Variants in SH3RF3 observed in about 807,000 individuals in gnomAD.
SH3RF3 encodes E3 ubiquitin-protein ligase SH3RF3.
SH3RF3 carries 29 observed loss-of-function variants against 66.3 expected under a neutral mutation model. That is an observed-to-expected ratio of 0.44 (90% confidence interval 0.33 to 0.60). SH3RF3 has a LOEUF of 0.60. SH3RF3 is among the 20% of genes least tolerant of loss of function. SH3RF3 has a pLI of 0.04. For synonymous variants in SH3RF3, 583 were observed against 532.0 expected (o/e 1.10, Z -1.32); for missense variants, 1,194 against 1,190.9 (o/e 1.00, Z -0.04).
chr2:109,413,645 C>T (rs1346795960), intron 4 of SH3RF3, among the ~76,000 whole-genome samples: 1 of 152,232 alleles, frequency 6.6e-6, no homozygotes, highest in Admixed American at 6.5e-5. Flanking sequence ...CTCTGGCCCC[C>T]ACATTCCCCT....
At chr2:109,290,576 A>G (rs1421668563) in intron 1 of SH3RF3, among the ~76,000 whole-genome samples, 2 of 152,188 alleles carry the variant, frequency 1.3e-5, no homozygotes, top group Non-Finnish European at 2.9e-5. Context: ...CCCAATGCCT[A>G]TCATTTTCTA....
intron 1 of SH3RF3, among the ~76,000 whole-genome samples, chr2:109,192,137 A>G (rs1678382529): frequency 6.6e-6 from 1 of 152,110 alleles, no homozygotes. Flanking sequence ...CACGGTACCC[A>G]ATATTGGTTC....
chr2:109,285,571 G>A (rs1342243495), intron 1 of SH3RF3, among the ~76,000 whole-genome samples: 1 of 152,232 alleles, frequency 6.6e-6, no homozygotes, highest in African/African-American at 2.4e-5. Context: ...CTGAGGTGGT[G>A]CGTCATGTTC....
chr2:109,207,752 A>G (rs1678874283), intron 1 of SH3RF3, among the ~76,000 whole-genome samples: 1 of 151,878 alleles, frequency 6.6e-6, no homozygotes, highest in South Asian at 2.1e-4. Flanking sequence ...TATGTTGTAA[A>G]TTGCTAAAAT....
intron 8 of SH3RF3, among the ~76,000 whole-genome samples, chr2:109,453,578 G>T (rs574580074): frequency 6.6e-6 from 1 of 152,112 alleles, no homozygotes; most frequent in Admixed American, 6.5e-5. Context: ...CCACCCGACC[G>T]GCCATCACTC....
intron 5 of SH3RF3, among the ~76,000 whole-genome samples, chr2:109,425,728 G>GCT (rs141948568): frequency 0.016 from 2,367 of 152,112 alleles, 60 homozygotes; most frequent in African/African-American, 0.055. Flanking sequence ...AAATATTACT[G>GCT]CTCATTGCCA....
intron 1 of SH3RF3, among the ~76,000 whole-genome samples, chr2:109,282,200 G>A (rs1363967195): frequency 6.6e-6 from 1 of 152,140 alleles, no homozygotes; most frequent in Non-Finnish European, 1.5e-5. Context: ...TGCCATGAGT[G>A]TTTATTGGGG....
chr2:109,281,562 G>A (rs1183633303), intron 1 of SH3RF3, among the ~76,000 whole-genome samples: 1 of 152,200 alleles, frequency 6.6e-6, no homozygotes, highest in Non-Finnish European at 1.5e-5. Context: ...GATTCACTGT[G>A]GGAGAGTTAA....
intron 2 of SH3RF3, among the ~76,000 whole-genome samples, chr2:109,370,539 A>C (rs1381354449): frequency 6.6e-6 from 1 of 152,010 alleles, no homozygotes; most frequent in Non-Finnish European, 1.5e-5. Context: ...GCGCCCGGCC[A>C]TCTGTCTCTC....
At chr2:109,365,818 G>A (rs1267293913) in intron 2 of SH3RF3, among the ~76,000 whole-genome samples, 1 of 152,124 alleles carries the variant, frequency 6.6e-6, no homozygotes, top group East Asian at 1.9e-4. Flanking sequence ...CTATGATCCT[G>A]CCATCGCAGG....
intron 2 of SH3RF3, among the ~76,000 whole-genome samples, chr2:109,359,752 A>G (rs1228735644): frequency 6.6e-6 from 1 of 152,134 alleles, no homozygotes; most frequent in Non-Finnish European, 1.5e-5. Context: ...AAGGCACACA[A>G]CACACAGTTT....
intron 1 of SH3RF3, among the ~76,000 whole-genome samples, chr2:109,219,183 G>A (rs760005313): frequency 6.6e-6 from 1 of 152,226 alleles, no homozygotes; most frequent in Non-Finnish European, 1.5e-5. Flanking sequence ...ACCGCCTGGA[G>A]CATGGGAGGA....
intron 1 of SH3RF3, among the ~76,000 whole-genome samples, chr2:109,245,555 A>G (rs148302896): frequency 1.3e-5 from 2 of 152,188 alleles, no homozygotes; most frequent in African/African-American, 4.8e-5. Context: ...GACAAACTGC[A>G]CCTCTAGCCT....
intron 1 of SH3RF3, among the ~76,000 whole-genome samples, chr2:109,285,138 T>A (rs1481748137): frequency 6.6e-6 from 1 of 152,076 alleles, no homozygotes; most frequent in Non-Finnish European, 1.5e-5. Flanking sequence ...GGAGTAGGGG[T>A]GACAGTGAGG....
intron 1 of SH3RF3, among the ~76,000 whole-genome samples, chr2:109,211,855 C>A (rs1678989701): frequency 6.6e-6 from 1 of 152,126 alleles, no homozygotes; most frequent in Non-Finnish European, 1.5e-5. Context: ...GTTGGCCAGG[C>A]TGGTTTCAAA....
chr2:109,439,268 G>T (rs1035267804), intron 7 of SH3RF3, among the ~76,000 whole-genome samples: 3 of 152,130 alleles, frequency 2.0e-5, no homozygotes, highest in African/African-American at 7.2e-5. Context: ...AGTGAGGCAC[G>T]GGATGGTTAA....
intron 1 of SH3RF3, among the ~76,000 whole-genome samples, chr2:109,312,601 GAT>G (rs67591802): frequency 0.24 from 36,578 of 151,992 alleles, 5,438 homozygotes; most frequent in East Asian, 0.65. Context: ...CCACTCTGGA[GAT>G]TTGATATAAG....
intron 1 of SH3RF3, among the ~76,000 whole-genome samples, chr2:109,169,743 A>G (rs1239790263): frequency 7.3e-6 from 1 of 136,876 alleles, no homozygotes; most frequent in East Asian, 2.3e-4. Flanking sequence ...ACATATGTAT[A>G]AAACAACCAT....
chr2:109,402,700 T>C (rs534981717), intron 4 of SH3RF3, among the ~76,000 whole-genome samples: 2 of 152,308 alleles, frequency 1.3e-5, no homozygotes, highest in South Asian at 4.1e-4. Context: ...AGACTGGGGC[T>C]GTAGGGGAAG....
Sources: gnomAD v4.1 joint callset for allele counts (sites outside exome capture counted in the v4.1 genomes callset) on GRCh38, gnomAD v4.1.1 for gene constraint, MANE v1.5 for transcripts, NCBI Gene and HGNC (gene_info 2026-07-23, HGNC 2026-07-21) for gene names.